PDZRN4: variants seen among roughly 807,000 people sequenced by gnomAD.
PDZRN4 encodes PDZ domain-containing RING finger protein 4.
PDZRN4 carries 70 observed loss-of-function variants against 99.0 expected under a neutral mutation model. The observed-to-expected ratio is 0.71, with a 90% CI of 0.58 to 0.86. The LOEUF (loss-of-function observed/expected upper bound fraction) is 0.86, where lower values mean the gene tolerates loss of function less well. PDZRN4 is among the 40% of genes least tolerant of loss of function. The probability of loss-of-function intolerance (pLI) is 0.00; values close to 1 mark genes in which losing one functional copy is unlikely to be tolerated. For synonymous variants in PDZRN4, 551 were observed against 501.6 expected, an observed-to-expected ratio of 1.10 and a Z score of -1.32; for missense variants, 1,474 against 1,331.2, an observed-to-expected ratio of 1.11 and a Z score of -1.67.
At chr12:41,333,330 G>A (rs1463737361) in intron 3 of PDZRN4, among the ~76,000 whole-genome samples, 12 of 152,114 alleles carry the variant, frequency 7.9e-5, no homozygotes, top group African/African-American at 2.9e-4. Context: ...CAGCACAGCA[G>A]CTTCTCACTA....
intron 3 of PDZRN4, among the ~76,000 whole-genome samples, chr12:41,375,085 A>T (rs2121088387): frequency 6.6e-6 from 1 of 152,292 alleles, no homozygotes; most frequent in Middle Eastern, 3.4e-3. Context: ...AGCAGCTGAT[A>T]GGAGCCGAGG....
chr12:41,288,388 A>G (rs1030939448), intron 3 of PDZRN4, among the ~76,000 whole-genome samples: 1 of 152,088 alleles, frequency 6.6e-6, no homozygotes, highest in East Asian at 1.9e-4. Context: ...CTCCTGGGTA[A>G]TGTTTTGAGT....
chr12:41,215,717 C>T (rs1443633172), intron 3 of PDZRN4, among the ~76,000 whole-genome samples: 3 of 151,896 alleles, frequency 2.0e-5, no homozygotes, highest in Non-Finnish European at 4.4e-5. Flanking sequence ...TAGGCAAAGA[C>T]TATCTGGGTT....
intron 3 of PDZRN4, among the ~76,000 whole-genome samples, chr12:41,361,530 T>C (rs903534805): frequency 2.0e-5 from 3 of 152,068 alleles, no homozygotes; most frequent in Admixed American, 1.3e-4. Flanking sequence ...TTGAACATTG[T>C]GGAACTAAAA....
Position 41,573,905 on chromosome 12 carries a change from T to C in PDZRN4, c.*15T>C. ...CCACTGTATGACCGAATGAATGGAA[T>C]GCATGCGACTGATTTTAGGAGGATG... On this transcript the variant is annotated 3_prime_UTR_variant, in exon 10 of 10. Coordinates refer to ENST00000402685, the MANE Select transcript of PDZRN4 (RefSeq NM_001164595.2). The C allele has an allele frequency of 6.6e-7, 1 of 1,503,860 alleles. No homozygotes were observed. Among genetic ancestry groups the C allele is most frequent in the Non-Finnish European group, 8.9e-7 (1 of 1,122,210 alleles). 93.2% of individuals were successfully genotyped at this position (1,503,860 alleles called of 1,614,324 possible). A position where few individuals can be genotyped will look rare whatever the true frequency, so the allele number is the denominator to read the frequency against.
intron 3 of PDZRN4, among the ~76,000 whole-genome samples, chr12:41,343,059 A>G (rs1951828771): frequency 6.6e-6 from 1 of 151,932 alleles, no homozygotes; most frequent in Non-Finnish European, 1.5e-5. Context: ...AGAATAAAAT[A>G]CTATCATTTG....
At position 41,244,580 on chromosome 12, in the gene PDZRN4, C is replaced by T. The variant is rs536119909; in HGVS notation, c.843+50392C>T. 7.2e-5 allele frequency among the ~76,000 whole-genome samples: 11 copies of T among 152,232 alleles called. No individual in the cohort carries two copies. In the South Asian group the frequency reaches 2.3e-3, roughly 32 times the overall value. On this transcript the variant is annotated intron_variant, in intron 3 of 9. Transcript: ENST00000402685. ...TGCCAAACCAGAACACTTCCTGTTCCTTCAGCAGGTCCAGCAGACTCCCGC... is the reference window on the plus strand; with the variant it reads ...TGCCAAACCAGAACACTTCCTGTTCTTTCAGCAGGTCCAGCAGACTCCCGC...
At chr12:41,371,219 A>ACTAC (rs1457711293) in intron 3 of PDZRN4, among the ~76,000 whole-genome samples, 1 of 150,952 alleles carries the variant, frequency 6.6e-6, no homozygotes, top group Non-Finnish European at 1.5e-5. Context: ...CCAATCTTTC[A>ACTAC]CTACTTTTTA....
chr12:41,296,745 A>G (rs1002750749), intron 3 of PDZRN4, among the ~76,000 whole-genome samples: 1 of 152,152 alleles, frequency 6.6e-6, no homozygotes, highest in Non-Finnish European at 1.5e-5. Flanking sequence ...GGATCACTTG[A>G]GCTCAGGAAT....
chr12:41,348,528 T>A (rs1951869920), intron 3 of PDZRN4, among the ~76,000 whole-genome samples: 1 of 152,082 alleles, frequency 6.6e-6, no homozygotes, highest in African/African-American at 2.4e-5. Flanking sequence ...AACGAATGAA[T>A]GAAGAAATGC....
At chr12:41,282,317 G>C (rs772766886) in intron 3 of PDZRN4, among the ~76,000 whole-genome samples, 8 of 152,136 alleles carry the variant, frequency 5.3e-5, no homozygotes, top group Non-Finnish European at 8.8e-5. Flanking sequence ...AACAAGAAGA[G>C]CTAACTATCC....
chr12:41,404,570 T>C (rs904016271), intron 3 of PDZRN4, among the ~76,000 whole-genome samples: 2 of 152,142 alleles, frequency 1.3e-5, no homozygotes, highest in Non-Finnish European at 2.9e-5. Flanking sequence ...ATTATTAAAA[T>C]GGCCATACTG....
At chr12:41,543,357 G>T (rs1204416498) in intron 5 of PDZRN4, among the ~76,000 whole-genome samples, 1 of 152,142 alleles carries the variant, frequency 6.6e-6, no homozygotes, top group African/African-American at 2.4e-5. Flanking sequence ...GAGAGAGAGA[G>T]ATCTGTGTTC....
chr12:41,557,615 C>T (rs1161432170), intron 7 of PDZRN4, among the ~76,000 whole-genome samples: 1 of 152,056 alleles, frequency 6.6e-6, no homozygotes, highest in Non-Finnish European at 1.5e-5. Context: ...TTGTTCAGGA[C>T]AACACTCATG....
In PDZRN4 at chr12:41,533,769, C is replaced by A. The variant is rs1199912046; in HGVS notation, c.1204-18887C>A. On this transcript the variant is annotated intron_variant, in intron 5 of 9. Transcript: ENST00000402685. ...ACATTTCCATTTTGTCATTTTCTAT[C>A]TTTTGTTCTATTTACACTTATAATT... 9.3e-4 allele frequency among the ~76,000 whole-genome samples: 142 copies of A among 152,160 alleles called. 1 individual carries two copies. The highest frequency in any genetic ancestry group is 2.0e-4 in the Admixed American group (3 of 15,274).
chr12:41,193,218 A>T (rs1950746841), intron 2 of PDZRN4, among the ~76,000 whole-genome samples: 1 of 152,176 alleles, frequency 6.6e-6, no homozygotes, highest in African/African-American at 2.4e-5. Context: ...GAATATTTTT[A>T]TAGATTCTAT....
chr12:41,464,920 G>A (rs894297719), intron 3 of PDZRN4, among the ~76,000 whole-genome samples: 1 of 150,320 alleles, frequency 6.7e-6, no homozygotes, highest in Non-Finnish European at 1.5e-5. Flanking sequence ...CTCCTCCCAG[G>A]TTCAAGTGAT....
chr12:41,509,478 A>G (rs1938268591), intron 4 of PDZRN4: 1 of 164,504 alleles, frequency 6.1e-6, no homozygotes, highest in Admixed American at 6.3e-5. Flanking sequence ...CCACGTATGG[A>G]GCTTGTCACA....
intron 3 of PDZRN4, among the ~76,000 whole-genome samples, chr12:41,255,426 TTTTTGTTTTG>T (rs1261125399): frequency 6.6e-6 from 1 of 152,112 alleles, no homozygotes; most frequent in African/African-American, 2.4e-5. Flanking sequence ...TTTTTTGTTT[TTTTTGTTTTG>T]TTTTGTTTTG....
Sources: allele counts gnomAD v4.1 joint callset (sites outside exome capture counted in the v4.1 genomes callset), GRCh38; gene constraint gnomAD v4.1.1; transcripts MANE v1.5; gene names NCBI Gene and HGNC (gene_info 2026-07-23, HGNC 2026-07-21).